Variants in FAM240A observed in about 807,000 individuals in gnomAD.
FAM240A encodes protein FAM240A.
A neutral mutation model predicts 7.3 loss-of-function variants in FAM240A; 8 were observed. That is an observed-to-expected ratio of 1.09 (90% CI 0.64 to 1.97). The LOEUF (loss-of-function observed/expected upper bound fraction) is 1.97, where lower values mean the gene tolerates loss of function less well. FAM240A is among the 30% of genes most tolerant of loss of function. The pLI is 0.00. For synonymous variants in FAM240A, 32 were observed against 35.9 expected (o/e 0.89, Z 0.38); for missense variants, 90 against 102.2 (o/e 0.88, Z 0.52).
chr3:46,612,843 G>C (rs1213421931), intron 1 of FAM240A, 145 bp downstream of exon 1: 1 of 688,136 alleles, frequency 1.5e-6, no homozygotes, highest in Non-Finnish European at 2.6e-6. Context: ...TTTGGGCAGA[G>C]GGGATACAGA....
rs757626291 is a variant in FAM240A at position 46,617,307 on chromosome 3, T to C, written c.140T>C (p.Leu47Pro). The part of the protein sequence containing the change: ...TYYRESEERR[L>P]GRSALRKLRE... ...TACCGAGAATCAGAGGAACGTCGTC[T>C]GGGAAGAAGCGCACTGAGAAAGTAT... The change falls in exon 2 of 3, where the codon CTG becomes CCG. Residue 47 changes from leucine (L) to proline (P), a missense_variant. Physicochemically the swap from Leu to Pro is moderately conservative, Grantham distance 98. Transcript: ENST00000640551. 12 of 1,533,016 alleles carry C rather than the reference T, an allele frequency of 7.8e-6. No individual in the cohort carries two copies. Among genetic ancestry groups the C allele is most frequent in the Non-Finnish European group, 8.7e-7 (1 of 1,145,770 alleles). 95.0% of individuals were successfully genotyped at this position (1,533,016 alleles called of 1,614,324 possible).
At chr3:46,623,536 C>T (rs1271677637) in intron 2 of FAM240A, among the ~76,000 whole-genome samples, 1 of 152,164 alleles carries the variant, frequency 6.6e-6, no homozygotes, top group Non-Finnish European at 1.5e-5. Flanking sequence ...AGTTCTATCA[C>T]ATTTTGCTTC....
intron 1 of FAM240A, among the ~76,000 whole-genome samples, chr3:46,613,917 GT>G (rs879809159): frequency 1.3e-5 from 2 of 151,986 alleles, no homozygotes; most frequent in Admixed American, 1.3e-4. Flanking sequence ...ATATTTGTTT[GT>G]TTGTTTGTTT....
chr3:46,619,228 T>A (rs1482767333), intron 2 of FAM240A, among the ~76,000 whole-genome samples: 1 of 151,748 alleles, frequency 6.6e-6, no homozygotes, highest in Non-Finnish European at 1.5e-5. Context: ...ATTGCAAGAG[T>A]GGGCAAGGGT....
chr3:46,623,496 A>G (rs2107148496), intron 2 of FAM240A, among the ~76,000 whole-genome samples: 1 of 152,328 alleles, frequency 6.6e-6, no homozygotes, highest in South Asian at 2.1e-4. Flanking sequence ...AATCTCTGCT[A>G]TAAATACAGA....
In FAM240A at chr3:46,612,744, T is replaced by C. The variant is rs773347600; in HGVS notation, c.15+46T>C. On this transcript the variant is annotated intron_variant, in intron 1 of 2. Coordinates refer to ENST00000640551, the MANE Select transcript of FAM240A (RefSeq NM_001195442.2). ...TGATTTTGTGAAGTAAAATTCCTAA[T>C]GGTTATGGAGGTTATGGTTTGTCCA... 73 of 1,458,570 alleles carry C rather than the reference T, an allele frequency of 5.0e-5. No homozygotes were observed. In the African/African-American group the frequency reaches 8.7e-4, roughly 17 times the overall value. 90.4% of individuals were successfully genotyped at this position (1,458,570 alleles called of 1,614,324 possible).
chr3:46,615,146 A>G (rs932343205), intron 1 of FAM240A, among the ~76,000 whole-genome samples: 1 of 152,150 alleles, frequency 6.6e-6, no homozygotes, highest in African/African-American at 2.4e-5. Context: ...ATCTGGCTTC[A>G]AACCCCTTTC....
At chr3:46,615,755 G>A (rs1697621330) in intron 1 of FAM240A, among the ~76,000 whole-genome samples, 1 of 152,150 alleles carries the variant, frequency 6.6e-6, no homozygotes, top group African/African-American at 2.4e-5. Context: ...CACTCAGCTG[G>A]TCTGAAAGTT....
chr3:46,621,595 A>G (rs6773827), intron 2 of FAM240A, among the ~76,000 whole-genome samples: 3,812 of 152,198 alleles, frequency 0.025, 163 homozygotes, highest in African/African-American at 0.086. Flanking sequence ...CTCTGTCCCT[A>G]TAAAAAATAC....
intron 2 of FAM240A, 33 bp downstream of exon 2, chr3:46,617,361 A>G (rs1405004165): frequency 7.4e-6 from 11 of 1,484,564 alleles, no homozygotes; most frequent in Non-Finnish European, 8.0e-6. Flanking sequence ...TTTTAGAATT[A>G]ATTAATTTTT....
intron 1 of FAM240A, among the ~76,000 whole-genome samples, chr3:46,616,127 A>C (rs1697626798): frequency 6.6e-6 from 1 of 152,256 alleles, no homozygotes; most frequent in African/African-American, 2.4e-5. Context: ...AAGGAAGGGC[A>C]GAGGCGTTTG....
At chr3:46,618,291 G>A (rs560772114) in intron 2 of FAM240A, among the ~76,000 whole-genome samples, 2 of 152,330 alleles carry the variant, frequency 1.3e-5, no homozygotes, top group South Asian at 4.1e-4. Flanking sequence ...ACCTGCTGAA[G>A]TACAGAAGTA....
intron 1 of FAM240A, among the ~76,000 whole-genome samples, chr3:46,616,089 G>T (rs1178417995): frequency 6.6e-6 from 1 of 152,228 alleles, no homozygotes; most frequent in Non-Finnish European, 1.5e-5. Flanking sequence ...GCTACTGGAA[G>T]TTGAGAAACG....
intron 2 of FAM240A, among the ~76,000 whole-genome samples, chr3:46,621,614 G>T (rs1041259763): frequency 3.9e-5 from 6 of 152,150 alleles, no homozygotes; most frequent in Non-Finnish European, 5.9e-5. Context: ...ACAAAAATTG[G>T]CCAGGCATGC....
chr3:46,625,404 CCT>C lies in FAM240A; in HGVS notation c.*189_*190del, dbSNP rs1222209479. ...GATGGCAGTTATTGGCCAAGTCAGT[CCT>C]CTGTGCATGGGCGCCAGGTTATTAT... On this transcript the variant is annotated 3_prime_UTR_variant, in exon 3 of 3. Transcript: ENST00000640551. The C allele has an allele frequency of 4.4e-6, 2 of 451,492 alleles. No individual in the cohort carries two copies. The highest frequency in any genetic ancestry group is 8.0e-6 in the Non-Finnish European group (2 of 250,672). The allele number at this position is 451,492 out of a possible 1,614,324, so 28.0% of individuals were successfully genotyped here.
intron 1 of FAM240A, among the ~76,000 whole-genome samples, chr3:46,613,970 G>A (rs978783770): frequency 6.6e-6 from 1 of 152,178 alleles, no homozygotes; most frequent in South Asian, 2.1e-4. Context: ...CCAGGCTGGA[G>A]TGCAGTGGTA....
rs796915423 is a variant in FAM240A, at chr3:46,617,300, C to T, written c.133C>T (p.Arg45Cys). 68 of 1,533,732 alleles carry T rather than the reference C, an allele frequency of 4.4e-5. No homozygotes were observed. The highest frequency in any genetic ancestry group is 3.0e-4 in the Admixed American group (15 of 50,658). ...KQTYYRESEE[R>C]RLGRSALRKL... ...GACTTACTACCGAGAATCAGAGGAA[C>T]GTCGTCTGGGAAGAAGCGCACTGAG... Residue 45 changes from arginine (R) to cysteine (C), a missense_variant, in exon 2 of 3, where the codon CGT becomes TGT. Coordinates refer to ENST00000640551, the MANE Select transcript of FAM240A (RefSeq NM_001195442.2).
intron 2 of FAM240A, among the ~76,000 whole-genome samples, 176 bp from the exon 3 acceptor site, chr3:46,624,952 A>G (rs1697739390): frequency 8.4e-6 from 1 of 119,148 alleles, no homozygotes; most frequent in South Asian, 2.6e-4. Context: ...AAATAAATAA[A>G]TATGAATAAA....
chr3:46,622,115 T>C lies in FAM240A; in HGVS notation c.162-3013T>C, dbSNP rs1352055571. 1.1e-3 allele frequency among the ~76,000 whole-genome samples: 155 copies of C among 138,372 alleles called. 3 individuals carry two copies. The East Asian group carries it at 0.028, about 25-fold the overall frequency. 90.8% of individuals were successfully genotyped at this position (138,372 alleles called of 152,430 possible). ...TTTACGAGAAAATTTTCTTTTTTTT[T>C]TTTTTTTTTTTTTTTGAGACAGAGT... On this transcript the variant is annotated intron_variant, in intron 2 of 2. Coordinates refer to ENST00000640551, the MANE Select transcript of FAM240A (RefSeq NM_001195442.2).
Sources: allele counts gnomAD v4.1 joint callset (sites outside exome capture counted in the v4.1 genomes callset), GRCh38; gene constraint gnomAD v4.1.1; transcripts MANE v1.5; gene names NCBI Gene and HGNC (gene_info 2026-07-23, HGNC 2026-07-21).